Variants in ASCC2 observed in about 807,000 individuals in gnomAD.
The protein encoded by ASCC2 is activating signal cointegrator 1 complex subunit 2, also known as ASC-1 complex subunit P100.
In ASCC2, 42 loss-of-function variants were observed where a neutral mutation model predicts 93.5. That is an observed-to-expected ratio of 0.45 (90% CI 0.35 to 0.58). ASCC2 has a LOEUF of 0.58. ASCC2 is among the 20% of genes least tolerant of loss of function. The pLI is 0.00. For missense variants in ASCC2, 859 were observed against 977.6 expected, an observed-to-expected ratio of 0.88 and a Z score of 1.62; for synonymous variants, 364 against 384.2, an observed-to-expected ratio of 0.95 and a Z score of 0.62.
Position 29,788,836 on chromosome 22 carries a change from C to T in ASCC2, c.*177G>A, listed in dbSNP as rs1194327001. ...GTGGCATAAGGCACTGTGTGTTCTG[C>T]AGGAAGGCGCTCATGGCTGGCTGGT... On this transcript the variant is annotated 3_prime_UTR_variant, in exon 20 of 20. Transcript: ENST00000307790. 7 of 718,146 alleles carry T rather than the reference C, an allele frequency of 9.7e-6. No homozygotes were observed. Among genetic ancestry groups the T allele is most frequent in the Non-Finnish European group, 1.6e-5 (7 of 435,262 alleles). The allele number at this position is 718,146 out of a possible 1,614,324, so 44.5% of individuals were successfully genotyped here.
chr22:29,804,598 G>C, intron 13 of ASCC2, 40 bp downstream of exon 13: 1 of 1,599,200 alleles, frequency 6.3e-7, no homozygotes, highest in Non-Finnish European at 8.5e-7. Context: ...GGGCCAAGGA[G>C]GGACAAGCGA....
At chr22:29,829,925 C>G (rs953034294) in intron 2 of ASCC2, among the ~76,000 whole-genome samples, 4 of 152,186 alleles carry the variant, frequency 2.6e-5, no homozygotes, top group Middle Eastern at 3.4e-3. Context: ...TGGTAACTAC[C>G]CTTTGGCTAG....
Position 29,813,547 on chromosome 22 carries a change from T to A in ASCC2, c.721-5A>T, listed in dbSNP as rs780542727. On this transcript the variant is annotated splice_polypyrimidine_tract_variant and splice_region_variant and intron_variant, in intron 7 of 19. Transcript: ENST00000307790. Reference sequence around the variant, plus strand: ...GAGAACAATGTCCTTTAATTCCTGTTGCCAAAAGAATACACTGCATTATTC... The same window carrying A: ...GAGAACAATGTCCTTTAATTCCTGTAGCCAAAAGAATACACTGCATTATTC... 6 of 1,583,050 alleles carry A rather than the reference T, an allele frequency of 3.8e-6. No individual in the cohort carries two copies. The South Asian group carries it at 6.6e-5, about 18-fold the overall frequency.
intron 1 of ASCC2, among the ~76,000 whole-genome samples, chr22:29,837,139 A>T (rs893360986): frequency 1.3e-5 from 2 of 152,130 alleles, no homozygotes; most frequent in East Asian, 1.9e-4. Context: ...GGTACAAATT[A>T]AGTAGGCAGG....
At chr22:29,801,430 C>G (rs1355357587) in intron 14 of ASCC2, among the ~76,000 whole-genome samples, 1 of 131,968 alleles carries the variant, frequency 7.6e-6, no homozygotes. Flanking sequence ...AGTCACAGAT[C>G]ACTCAACCTC....
intron 15 of ASCC2, among the ~76,000 whole-genome samples, chr22:29,799,493 C>T (rs1259968955): frequency 6.6e-6 from 1 of 152,198 alleles, no homozygotes; most frequent in Admixed American, 6.5e-5. Context: ...GGAGGGGTAA[C>T]AGCACAGGGC....
intron 18 of ASCC2, 83 bp downstream of exon 18, chr22:29,792,350 A>C (rs1343266349): frequency 7.6e-6 from 12 of 1,576,096 alleles, no homozygotes; most frequent in Non-Finnish European, 1.0e-5. Context: ...TCAGGGCCAG[A>C]CATAGGGAGG....
intron 5 of ASCC2, among the ~76,000 whole-genome samples, chr22:29,819,062 G>A (rs1407263574): frequency 6.6e-6 from 1 of 152,168 alleles, no homozygotes; most frequent in African/African-American, 2.4e-5. Flanking sequence ...CAAGCTCCTG[G>A]AGGCTCCGCG....
At chr22:29,793,719 C>T (rs1481580844) in intron 15 of ASCC2, 43 bp from the exon 16 acceptor site, 1 of 1,530,612 alleles carries the variant, frequency 6.5e-7, no homozygotes, top group Non-Finnish European at 8.8e-7. Flanking sequence ...AACCATCAGG[C>T]TTGGAAGGCC....
chr22:29,805,408 C>T (rs2059558261), intron 12 of ASCC2, among the ~76,000 whole-genome samples: 1 of 152,176 alleles, frequency 6.6e-6, no homozygotes. Flanking sequence ...TGCTTGGATG[C>T]CAGCAACAGC....
chr22:29,792,933 C>T (rs1404689870), intron 17 of ASCC2, among the ~76,000 whole-genome samples: 8 of 152,088 alleles, frequency 5.3e-5, no homozygotes, highest in Admixed American at 4.6e-4. Context: ...ATCACTTGAG[C>T]CCAGGAGGTG....
In ASCC2 at chr22:29,825,708, C is replaced by G; in HGVS notation, c.154G>C (p.Val52Leu). Reference protein sequence around the residue: ...PPPKDNIPALVEEYLERATFV... With the variant: ...PPPKDNIPALLEEYLERATFV... ...GTGGCGCGTTCCAGGTACTCCTCCA[C>G]TAGGGCGGGAATGTTGTCTTTAGGG... Residue 52 changes from valine (V) to leucine (L), a missense_variant, in exon 3 of 20, where the codon GTG (valine) becomes CTG (leucine). Val to Leu is a conservative substitution (Grantham distance 32, BLOSUM62 1). Coordinates refer to ENST00000307790, the MANE Select transcript of ASCC2 (RefSeq NM_032204.5). This position sits in a 1 kb window ranked among gnomAD's most constrained non-coding sequence, Gnocchi z 4.9. 1 of 1,614,206 alleles carries G rather than the reference C, an allele frequency of 6.2e-7. No homozygotes were observed. The highest frequency in any genetic ancestry group is 8.5e-7 in the Non-Finnish European group (1 of 1,180,028).
chr22:29,807,927 CA>C (rs892763289), intron 9 of ASCC2, among the ~76,000 whole-genome samples, 183 bp downstream of exon 9: 28 of 145,292 alleles, frequency 1.9e-4, no homozygotes, highest in South Asian at 2.2e-4. Flanking sequence ...ACAACAACAA[CA>C]AAAAAAAAAA....
At chr22:29,818,261 T>A (rs1662082734) in intron 5 of ASCC2, among the ~76,000 whole-genome samples, 1 of 152,068 alleles carries the variant, frequency 6.6e-6, no homozygotes, top group South Asian at 2.1e-4. Flanking sequence ...CCCCTTCTTG[T>A]GCCTTCTGCT....
intron 1 of ASCC2, among the ~76,000 whole-genome samples, chr22:29,834,801 C>A (rs1333216568): frequency 6.6e-6 from 1 of 151,918 alleles, no homozygotes; most frequent in Non-Finnish European, 1.5e-5. Flanking sequence ...AGGTCTTTTG[C>A]TAGGGCACCT....
intron 1 of ASCC2, among the ~76,000 whole-genome samples, chr22:29,835,405 A>T (rs762735873): frequency 6.4e-5 from 9 of 140,048 alleles, no homozygotes; most frequent in South Asian, 2.3e-4. Flanking sequence ...CCCAAAATTT[A>T]AAAAAAAAAA....
chr22:29,827,561 A>AT, intron 2 of ASCC2: 1 of 470,956 alleles, frequency 2.1e-6, no homozygotes, highest in South Asian at 1.5e-5. Flanking sequence ...ACCCCCTCCC[A>AT]TTTAAATCAA....
At chr22:29,798,527 T>A (rs1184829600) in intron 15 of ASCC2, among the ~76,000 whole-genome samples, 1 of 152,106 alleles carries the variant, frequency 6.6e-6, no homozygotes, top group Non-Finnish European at 1.5e-5. Flanking sequence ...GGATGATAGG[T>A]CAACCAAGCC....
rs1211564948 is a variant in ASCC2, at chr22:29,792,591, CACAA to C, written c.1920-60_1920-57del. 2.5e-6 allele frequency: 4 copies of C among 1,605,858 alleles called. No homozygotes were observed. In the African/African-American group the frequency reaches 5.4e-5, roughly 22 times the overall value. On this transcript the variant is annotated intron_variant, in intron 17 of 19. Transcript: ENST00000307790. ...ACGAGGTTCAACCAGGAGCAAGAGCCACAAGGAGGAGGGAACCTGGTTGGGTGAG... is the reference window on the plus strand; with the variant it reads ...ACGAGGTTCAACCAGGAGCAAGAGCCGGAGGAGGGAACCTGGTTGGGTGAG...
Sources: allele counts gnomAD v4.1 joint callset (sites outside exome capture counted in the v4.1 genomes callset), GRCh38; gene constraint gnomAD v4.1.1; non-coding constraint Gnocchi (gnomAD v3.1); transcripts MANE v1.5; gene names NCBI Gene and HGNC (gene_info 2026-07-23, HGNC 2026-07-21).